ARHGEF10: variants seen among roughly 807,000 people sequenced by gnomAD.
ARHGEF10 encodes Rho guanine nucleotide exchange factor (GEF) 10.
In ARHGEF10, 140 loss-of-function variants were observed where a neutral mutation model predicts 147.4. That is an observed-to-expected ratio of 0.95 (90% confidence interval 0.83 to 1.09). The LOEUF is 1.09. ARHGEF10 is among the 50% of genes least tolerant of loss of function. The probability of loss-of-function intolerance (pLI) is 0.00; values close to 1 mark genes in which losing one functional copy is unlikely to be tolerated. For synonymous variants in ARHGEF10, 902 were observed against 695.8 expected, an observed-to-expected ratio of 1.30 and a Z score of -4.67; for missense variants, 2,222 against 1,752.7, an observed-to-expected ratio of 1.27 and a Z score of -4.78.
rs1176676323 is a variant in ARHGEF10, at chr8:1,873,586, A to G, written c.680-2985A>G. ...AGGTGCCGCGGGGTAGTGCACCCGC[A>G]TTTCCTAGTTGCCTTGAGAGGTGCC... is the stretch of plus-strand genomic sequence containing the variant. On this transcript the variant is annotated intron_variant, in intron 7 of 28. Coordinates refer to ENST00000349830, the MANE Select transcript of ARHGEF10 (RefSeq NM_014629.4). Among the ~76,000 whole-genome samples the G allele has an allele frequency of 2.3e-5, 3 of 131,830 alleles. No homozygotes were observed. The Admixed American group carries it at 2.3e-4, about 10-fold the overall frequency. 86.5% of individuals were successfully genotyped at this position (131,830 alleles called of 152,430 possible).
At chr8:1,950,185 C>T (rs1024946212) in intron 27 of ARHGEF10, among the ~76,000 whole-genome samples, 14 of 152,324 alleles carry the variant, frequency 9.2e-5, no homozygotes, top group South Asian at 4.1e-4. Flanking sequence ...ACCTCGCCAG[C>T]GGACCTCACG....
rs552695805 is a variant in ARHGEF10 at position 1,917,194 on chromosome 8, A to T, written c.2144-5770A>T. On this transcript the variant is annotated intron_variant, in intron 18 of 28. Coordinates refer to ENST00000349830, the MANE Select transcript of ARHGEF10 (RefSeq NM_014629.4). ...GTAGAACATTTGTATCCTCTTTTAG[A>T]CTCCTGATGCATGTTTGCAAGTTGC... Among the ~76,000 whole-genome samples the T allele has an allele frequency of 6.8e-4, 103 of 152,206 alleles. No individual in the cohort carries two copies. In the South Asian group the frequency reaches 0.021, roughly 31 times the overall value.
intron 25 of ARHGEF10, among the ~76,000 whole-genome samples, chr8:1,932,631 G>T (rs1813245496): frequency 6.6e-6 from 1 of 152,188 alleles, no homozygotes; most frequent in Non-Finnish European, 1.5e-5. Flanking sequence ...GTTCACTGGG[G>T]CTAATAATTA....
rs201433824 is a variant in ARHGEF10, at chr8:1,860,163, G to A, written c.460G>A (p.Ala154Thr). The change falls in exon 4 of 29, where the codon GCC becomes ACC. Residue 154 changes from alanine (A) to threonine (T), a missense_variant. Ala to Thr is a moderately conservative substitution (Grantham distance 58). Coordinates refer to ENST00000349830, the MANE Select transcript of ARHGEF10 (RefSeq NM_014629.4). ...PAYSSPVIIC[A>T]TSLDEEETPE... Reference sequence around the variant, plus strand: ...CTACTCCAGCCCGGTCATCATCTGCGCCACGTCCCTGGACGAAGAAGGTAC... The same window carrying A: ...CTACTCCAGCCCGGTCATCATCTGCACCACGTCCCTGGACGAAGAAGGTAC... 4.6e-5 allele frequency: 74 copies of A among 1,613,368 alleles called. No individual in the cohort carries two copies. The highest frequency in any genetic ancestry group is 3.4e-4 in the Middle Eastern group (2 of 5,888).
intron 5 of ARHGEF10, among the ~76,000 whole-genome samples, chr8:1,865,446 C>T (rs1806510121): frequency 6.6e-6 from 1 of 151,524 alleles, no homozygotes; most frequent in Non-Finnish European, 1.5e-5. Flanking sequence ...GGGGCCATCA[C>T]CAGGGCATGG....
In ARHGEF10 at chr8:1,876,724, A is replaced by G; in HGVS notation, c.833A>G (p.His278Arg). Residue 278 changes from histidine to arginine, a missense_variant, in exon 8 of 29, where the codon CAC (histidine) becomes CGC (arginine). His to Arg is a conservative substitution (Grantham distance 29). Transcript: ENST00000349830. Reference protein sequence around the residue: ...GIPRSFLRSNHKKQLSHDLTR... With the variant: ...GIPRSFLRSNRKKQLSHDLTR... Reference sequence around the variant, plus strand: ...CCCAGGTCCTTCCTGCGCAGCAACCACAAAAAGCAAGTACGTGTTCCCTGC... The same window carrying G: ...CCCAGGTCCTTCCTGCGCAGCAACCGCAAAAAGCAAGTACGTGTTCCCTGC... The G allele has an allele frequency of 1.9e-6, 3 of 1,614,180 alleles. No homozygotes were observed. The highest frequency in any genetic ancestry group is 2.5e-6 in the Non-Finnish European group (3 of 1,180,028).
In ARHGEF10 at chr8:1,898,489, C is replaced by T. The variant is rs1308268293; in HGVS notation, c.1614C>T (p.Pro538=). The T allele has an allele frequency of 6.2e-7, 1 of 1,614,148 alleles. No individual in the cohort carries two copies. Among genetic ancestry groups the T allele is most frequent in the Admixed American group, 1.7e-5 (1 of 60,034 alleles). Residue 538 remains proline (P), a synonymous_variant, in exon 15 of 29, where the codon CCC becomes CCT. Coordinates refer to ENST00000349830, the MANE Select transcript of ARHGEF10 (RefSeq NM_014629.4). ...CGCTCTACAGCCTGATGATGAAGCCCATCCAGAGGTTCCCACAGTTCATCC... is the reference window on the plus strand; with the variant it reads ...CGCTCTACAGCCTGATGATGAAGCCTATCCAGAGGTTCCCACAGTTCATCC... ...RTTLYSLMMK[P]IQRFPQFILL...
At chr8:1,944,386 A>T (rs1368942923) in intron 26 of ARHGEF10, among the ~76,000 whole-genome samples, 1 of 152,142 alleles carries the variant, frequency 6.6e-6, no homozygotes, top group African/African-American at 2.4e-5. Context: ...TCTCAACTGA[A>T]ATAAGAGGCG....
At chr8:1,828,580 T>G (rs1010725240) in intron 1 of ARHGEF10, among the ~76,000 whole-genome samples, 1 of 138,718 alleles carries the variant, frequency 7.2e-6, no homozygotes, top group Non-Finnish European at 1.5e-5. Flanking sequence ...AACTGTGGCA[T>G]GCACACTTCC....
intron 2 of ARHGEF10, among the ~76,000 whole-genome samples, chr8:1,844,155 G>A (rs1804322349): frequency 6.6e-6 from 1 of 152,128 alleles, no homozygotes; most frequent in Non-Finnish European, 1.5e-5. Flanking sequence ...TGGAGCTGTG[G>A]AGGTCACGGA....
At chr8:1,876,401 C>T (rs985739764) in intron 7 of ARHGEF10, 170 bp from the exon 8 acceptor site, 5 of 702,010 alleles carry the variant, frequency 7.1e-6, no homozygotes, top group Non-Finnish European at 1.2e-5. Flanking sequence ...GGTGGAGGCG[C>T]TGCACGGTGC....
intron 23 of ARHGEF10, among the ~76,000 whole-genome samples, chr8:1,927,757 A>G (rs565659717): frequency 1.3e-5 from 2 of 152,260 alleles, no homozygotes; most frequent in Middle Eastern, 3.4e-3. Context: ...GTACTTTCAC[A>G]TAGTGAAACC....
chr8:1,834,135 C>G (rs1363559838), intron 1 of ARHGEF10, among the ~76,000 whole-genome samples: 1 of 152,142 alleles, frequency 6.6e-6, no homozygotes, highest in Non-Finnish European at 1.5e-5. Context: ...TCTGCCTGGG[C>G]AAGTGGATAC....
Position 1,858,122 on chromosome 8 carries a change from T to G in ARHGEF10, c.193+7T>G, listed in dbSNP as rs76522101. 3.5e-6 allele frequency: 5 copies of G among 1,440,268 alleles called. No homozygotes were observed. In the South Asian group the frequency reaches 5.0e-5, roughly 14 times the overall value. 89.2% of individuals were successfully genotyped at this position (1,440,268 alleles called of 1,614,324 possible). A position where few individuals can be genotyped will look rare whatever the true frequency, so the allele number is the denominator to read the frequency against. Reference sequence around the variant, plus strand: ...GAAGCCCCTGCACCCACAGGTGAGTTTCCAGGAGGGTCCCCAGGTGAGTCC... The same window carrying G: ...GAAGCCCCTGCACCCACAGGTGAGTGTCCAGGAGGGTCCCCAGGTGAGTCC... On this transcript the variant is annotated splice_region_variant and intron_variant, in intron 3 of 28. Coordinates refer to ENST00000349830, the MANE Select transcript of ARHGEF10 (RefSeq NM_014629.4).
At chr8:1,931,645 G>A (rs1216975776) in intron 25 of ARHGEF10, among the ~76,000 whole-genome samples, 1 of 152,242 alleles carries the variant, frequency 6.6e-6, no homozygotes, top group African/African-American at 2.4e-5. Flanking sequence ...GCCTCGGCCC[G>A]GGCAGAGGGA....
chr8:1,843,460 C>A (rs759320498), intron 2 of ARHGEF10, 24 bp downstream of exon 2: 5 of 1,593,180 alleles, frequency 3.1e-6, no homozygotes, highest in Non-Finnish European at 3.4e-6. Context: ...GTAGGTGGGC[C>A]TGTGGGTCAG....
chr8:1,886,579 G>C (rs1326577862), intron 11 of ARHGEF10, among the ~76,000 whole-genome samples: 1 of 152,226 alleles, frequency 6.6e-6, no homozygotes, highest in African/African-American at 2.4e-5. Context: ...GATGACTGAA[G>C]TATTAGTTTT....
chr8:1,894,458 G>A lies in ARHGEF10; in HGVS notation c.1326G>A (p.Val442=). Residue 442 remains valine (V), a synonymous_variant, in exon 13 of 29, where the codon GTG becomes GTA. Transcript: ENST00000349830. ...KVLSERKLKT[V]FYRVKEILQC... is the part of the protein sequence containing the mutation. Reference sequence around the variant, plus strand: ...TGAGTGAGAGGAAGCTGAAGACGGTGTTCTACCGAGTCAAAGAGATCCTGC... The same window carrying A: ...TGAGTGAGAGGAAGCTGAAGACGGTATTCTACCGAGTCAAAGAGATCCTGC... 6.2e-7 allele frequency: 1 copy of A among 1,614,244 alleles called. No individual in the cohort carries two copies. Among genetic ancestry groups the A allele is most frequent in the Non-Finnish European group, 8.5e-7 (1 of 1,180,052 alleles).
At chr8:1,950,826 C>G (rs914800232) in intron 27 of ARHGEF10, among the ~76,000 whole-genome samples, 1 of 151,362 alleles carries the variant, frequency 6.6e-6, no homozygotes, top group East Asian at 1.9e-4. Context: ...GGGATCCACC[C>G]ACCTCGGCCT....
Sources: gnomAD v4.1 joint callset for allele counts (sites outside exome capture counted in the v4.1 genomes callset) on GRCh38, gnomAD v4.1.1 for gene constraint, MANE v1.5 for transcripts, NCBI Gene and HGNC (gene_info 2026-07-23, HGNC 2026-07-21) for gene names.